The following AGBL4 variants were observed in gnomAD, a reference collection of about 807,000 sequenced individuals.
AGBL4 encodes the protein cytosolic carboxypeptidase 6.
AGBL4 carries 58 observed loss-of-function variants against 66.4 expected under a neutral mutation model. That is an observed-to-expected ratio of 0.87 (90% CI 0.71 to 1.09). The LOEUF is 1.09. Ranked by LOEUF, AGBL4 falls within the 50% of genes least tolerant of loss-of-function variation. The pLI is 0.00. For missense variants in AGBL4, 579 were observed against 631.0 expected (o/e 0.92, Z 0.88); for synonymous variants, 234 against 222.9 (o/e 1.05, Z -0.44).
chr1:49,772,732 A>T (rs1644098205), intron 2 of AGBL4, among the ~76,000 whole-genome samples: 1 of 152,180 alleles, frequency 6.6e-6, no homozygotes, highest in Non-Finnish European at 1.5e-5. Flanking sequence ...TCTAATGAGG[A>T]TTCTCTTATA....
At chr1:48,793,294 T>G (rs1400826898) in intron 6 of AGBL4, among the ~76,000 whole-genome samples, 1 of 152,214 alleles carries the variant, frequency 6.6e-6, no homozygotes, top group African/African-American at 2.4e-5. Flanking sequence ...AGAGCATCTC[T>G]CTCACAAACT....
chr1:48,936,452 A>G (rs1571042835), intron 5 of AGBL4, among the ~76,000 whole-genome samples: 1 of 152,266 alleles, frequency 6.6e-6, no homozygotes, highest in East Asian at 1.9e-4. Context: ...GAGACATGAA[A>G]AGCCAGTTGG....
At chr1:49,090,134 T>G (rs1644976919) in intron 4 of AGBL4, among the ~76,000 whole-genome samples, 1 of 152,096 alleles carries the variant, frequency 6.6e-6, no homozygotes, top group Non-Finnish European at 1.5e-5. Flanking sequence ...GCCAACATAC[T>G]GAATGGGTAA....
intron 6 of AGBL4, among the ~76,000 whole-genome samples, chr1:48,846,421 G>T (rs10888627): frequency 0.1 from 15,035 of 144,648 alleles, 835 homozygotes; most frequent in South Asian, 0.17. Flanking sequence ...AAGAAAGAAA[G>T]AAATTCATTT....
chr1:49,910,641 T>A (rs1233191083), intron 1 of AGBL4, among the ~76,000 whole-genome samples: 17 of 149,042 alleles, frequency 1.1e-4, no homozygotes, highest in Non-Finnish European at 2.2e-4. Context: ...GAAGTGACAA[T>A]GAGATGAATG....
intron 4 of AGBL4, among the ~76,000 whole-genome samples, chr1:49,156,769 TTTTA>T (rs1356166814): frequency 1.3e-5 from 2 of 152,134 alleles, no homozygotes; most frequent in African/African-American, 4.8e-5. Context: ...TAATGCCAGA[TTTTA>T]TTTATCACAC....
intron 3 of AGBL4, among the ~76,000 whole-genome samples, chr1:49,372,652 TTTCTTTCTTTC>T: frequency 7.2e-6 from 1 of 139,744 alleles, no homozygotes; most frequent in Non-Finnish European, 1.5e-5. Flanking sequence ...TCTTTCTTTC[TTTCTTTCTTTC>T]TTTCTTTCTT....
intron 9 of AGBL4, among the ~76,000 whole-genome samples, chr1:48,633,692 C>T (rs548182081): frequency 1.3e-5 from 2 of 152,330 alleles, no homozygotes; most frequent in South Asian, 2.1e-4. Flanking sequence ...CCCCATTCTG[C>T]GATAGCTCTT....
intron 2 of AGBL4, among the ~76,000 whole-genome samples, chr1:49,732,924 A>G (rs1042608376): frequency 6.6e-6 from 1 of 152,192 alleles, no homozygotes; most frequent in African/African-American, 2.4e-5. Context: ...TAAACTTCAT[A>G]TAACACAAAA....
chr1:48,851,352 C>T (rs1647026974), intron 6 of AGBL4, among the ~76,000 whole-genome samples: 1 of 152,146 alleles, frequency 6.6e-6, no homozygotes, highest in Admixed American at 6.5e-5. Flanking sequence ...GGGTAGAGGA[C>T]TTAGTGGGAC....
At chr1:48,642,030 T>G (rs1645764576) in intron 8 of AGBL4, among the ~76,000 whole-genome samples, 1 of 152,052 alleles carries the variant, frequency 6.6e-6, no homozygotes, top group Admixed American at 6.5e-5. Flanking sequence ...CAGGTGCCAT[T>G]TCTGGGTGGG....
chr1:48,607,732 A>C (rs537092516), intron 9 of AGBL4, among the ~76,000 whole-genome samples: 1 of 152,200 alleles, frequency 6.6e-6, no homozygotes, highest in South Asian at 2.1e-4. Context: ...CTATGCTTAC[A>C]CAAACACATC....
intron 2 of AGBL4, among the ~76,000 whole-genome samples, chr1:49,836,648 G>A (rs1645857407): frequency 6.6e-6 from 1 of 152,186 alleles, no homozygotes; most frequent in African/African-American, 2.4e-5. Flanking sequence ...CTTTGGAGGA[G>A]AAGAGGTGTT....
intron 9 of AGBL4, among the ~76,000 whole-genome samples, chr1:48,624,889 G>GGTGTGT (rs56678913): frequency 3.3e-4 from 49 of 147,848 alleles, no homozygotes; most frequent in African/African-American, 9.9e-4. Flanking sequence ...GTTAATTCCA[G>GGTGTGT]GTGTGTGTGT....
chr1:49,241,367 T>A (rs746273482), intron 4 of AGBL4, among the ~76,000 whole-genome samples: 3 of 152,076 alleles, frequency 2.0e-5, no homozygotes, highest in African/African-American at 7.2e-5. Context: ...CCTTTTCTCA[T>A]CAAAGATGAA....
chr1:49,340,407 TG>T (rs1438161440), intron 3 of AGBL4, among the ~76,000 whole-genome samples: 1 of 152,186 alleles, frequency 6.6e-6, no homozygotes, highest in Admixed American at 6.6e-5. Flanking sequence ...AAATTGACAC[TG>T]TTTTTTAATA....
chr1:49,317,239 A>G (rs1476059971), intron 3 of AGBL4, among the ~76,000 whole-genome samples: 1 of 151,926 alleles, frequency 6.6e-6, no homozygotes, highest in Non-Finnish European at 1.5e-5. Context: ...GTTTTGTGGT[A>G]AGAAAAAGTA....
At chr1:49,068,758 G>C (rs1417129753) in intron 4 of AGBL4, among the ~76,000 whole-genome samples, 1 of 152,190 alleles carries the variant, frequency 6.6e-6, no homozygotes, top group South Asian at 2.1e-4. Flanking sequence ...TAATGGGATG[G>C]CTGGGTCAAA....
At chr1:48,805,854 A>C (rs537907239) in intron 6 of AGBL4, among the ~76,000 whole-genome samples, 4 of 152,324 alleles carry the variant, frequency 2.6e-5, no homozygotes, top group Admixed American at 2.6e-4. Context: ...AGAAAGAATA[A>C]GAGAATATTC....
Sources: allele counts gnomAD v4.1 joint callset (sites outside exome capture counted in the v4.1 genomes callset), GRCh38; gene constraint gnomAD v4.1.1; transcripts MANE v1.5; gene names NCBI Gene and HGNC (gene_info 2026-07-23, HGNC 2026-07-21).